The following RBFOX1 variants were observed in gnomAD, a reference collection of about 807,000 sequenced individuals.
The protein encoded by RBFOX1 is RNA binding fox-1 homolog 1.
RBFOX1 carries 8 observed loss-of-function variants against 57.7 expected under a neutral mutation model. That is an observed-to-expected ratio of 0.14 (90% CI 0.08 to 0.25). RBFOX1 has a LOEUF of 0.25. Among genes scored for constraint, RBFOX1 ranks in the 10% least tolerant of loss-of-function variants. RBFOX1 has a pLI of 1.00. For synonymous variants in RBFOX1, 326 were observed against 222.4 expected (o/e 1.47, Z -4.15); for missense variants, 611 against 548.5 (o/e 1.11, Z -1.14).
chr16:7,436,951 C>T (rs182524131), intron 4 of RBFOX1, among the ~76,000 whole-genome samples: 8 of 152,054 alleles, frequency 5.3e-5, no homozygotes, highest in Non-Finnish European at 8.8e-5. Context: ...CATGGTGATA[C>T]GCGCCTGTAA....
intron 3 of RBFOX1, among the ~76,000 whole-genome samples, chr16:5,693,644 C>T (rs183943600): frequency 1.3e-5 from 2 of 152,144 alleles, no homozygotes; most frequent in Non-Finnish European, 2.9e-5. Flanking sequence ...GTGAAAGACG[C>T]AGCGAGAATC....
At chr16:6,680,472 C>T (rs184431275) in intron 3 of RBFOX1, among the ~76,000 whole-genome samples, 1 of 151,958 alleles carries the variant, frequency 6.6e-6, no homozygotes, top group Non-Finnish European at 1.5e-5. Context: ...ACCATGTTAG[C>T]CACGATGGTC....
intron 13 of RBFOX1, among the ~76,000 whole-genome samples, chr16:7,673,920 C>T (rs541619939): frequency 6.6e-6 from 1 of 152,140 alleles, no homozygotes; most frequent in Non-Finnish European, 1.5e-5. Context: ...TGAACATGGT[C>T]TGGTGACAGC....
chr16:6,196,538 G>A (rs1176877500), intron 1 of RBFOX1, among the ~76,000 whole-genome samples: 1 of 152,078 alleles, frequency 6.6e-6, no homozygotes, highest in Non-Finnish European at 1.5e-5. Flanking sequence ...TGGATGCGTG[G>A]CTGCGACTTA....
chr16:5,406,713 C>T (rs2066877826), intron 1 of RBFOX1, among the ~76,000 whole-genome samples: 1 of 152,012 alleles, frequency 6.6e-6, no homozygotes, highest in East Asian at 1.9e-4. Flanking sequence ...CTAATATATC[C>T]AGCAAATATT....
At position 5,679,882 on chromosome 16, in the gene RBFOX1, G is replaced by A. The variant is rs77192034; in HGVS notation, c.318+80921G>A. On this transcript the variant is annotated intron_variant, in intron 3 of 19. Transcript: ENST00000641259. The stretch of plus-strand genomic sequence containing the variant: ...TATATTAAAGTACAGTTCATAGTGA[G>A]CAAAATGTTTAGTCTGGTGCCTAGT... Among the ~76,000 whole-genome samples, 295 of 152,246 alleles carry A rather than the reference G, an allele frequency of 1.9e-3. 4 individuals are homozygous for A. The East Asian group carries it at 0.048, about 25-fold the overall frequency.
At chr16:5,984,143 C>T (rs1361224479) in intron 4 of RBFOX1, among the ~76,000 whole-genome samples, 8 of 24,364 alleles carry the variant, frequency 3.3e-4, no homozygotes, top group Middle Eastern at 0.017. Flanking sequence ...CTCCTCCTCT[C>T]CTTCCCCTCC....
intron 2 of RBFOX1, among the ~76,000 whole-genome samples, chr16:5,495,555 A>G (rs1466107745): frequency 6.6e-6 from 1 of 152,228 alleles, no homozygotes; most frequent in Non-Finnish European, 1.5e-5. Flanking sequence ...AACTGTCACA[A>G]TAGCTGCATA....
At chr16:7,313,309 G>A (rs957136489) in intron 4 of RBFOX1, among the ~76,000 whole-genome samples, 4 of 152,146 alleles carry the variant, frequency 2.6e-5, no homozygotes, top group Non-Finnish European at 1.5e-5. Context: ...TTTGCAATGA[G>A]CAGTTAACAC....
chr16:5,733,585 GA>G (rs929654095), intron 3 of RBFOX1, among the ~76,000 whole-genome samples: 13 of 152,152 alleles, frequency 8.5e-5, no homozygotes, highest in African/African-American at 3.1e-4. Context: ...AAGTGATCAT[GA>G]AGTCAGCATG....
At chr16:5,989,577 C>T (rs1002059824) in intron 4 of RBFOX1, among the ~76,000 whole-genome samples, 2 of 151,986 alleles carry the variant, frequency 1.3e-5, no homozygotes, top group Non-Finnish European at 2.9e-5. Flanking sequence ...GCTCGCCGAC[C>T]TAGAATGGGT....
intron 4 of RBFOX1, among the ~76,000 whole-genome samples, chr16:7,339,843 T>C (rs1488228398): frequency 6.6e-6 from 1 of 152,232 alleles, no homozygotes; most frequent in East Asian, 1.9e-4. Flanking sequence ...TCAGGCACTA[T>C]TGAATTCAGG....
intron 1 of RBFOX1, among the ~76,000 whole-genome samples, chr16:6,063,613 C>T (rs539735292): frequency 3.3e-5 from 5 of 152,152 alleles, no homozygotes; most frequent in South Asian, 2.1e-4. Context: ...GCTCTCAAGA[C>T]GATCGTTTAC....
chr16:5,711,114 A>G (rs2051472192), intron 3 of RBFOX1, among the ~76,000 whole-genome samples: 2 of 152,234 alleles, frequency 1.3e-5, no homozygotes, highest in Non-Finnish European at 2.9e-5. Flanking sequence ...ATAATTGCAG[A>G]CAAGAGAGAT....
intron 3 of RBFOX1, among the ~76,000 whole-genome samples, chr16:6,831,028 C>T (rs957800419): frequency 6.6e-6 from 1 of 152,124 alleles, no homozygotes; most frequent in Non-Finnish European, 1.5e-5. Context: ...AAGCCTTTTC[C>T]CAATTGATCT....
chr16:7,278,272 C>G (rs1251921969), intron 4 of RBFOX1, among the ~76,000 whole-genome samples: 4 of 152,140 alleles, frequency 2.6e-5, no homozygotes, highest in African/African-American at 7.2e-5. Flanking sequence ...TGCAAGTATA[C>G]CAGCTAATTA....
At chr16:7,334,545 G>C (rs536518844) in intron 4 of RBFOX1, among the ~76,000 whole-genome samples, 1 of 152,244 alleles carries the variant, frequency 6.6e-6, no homozygotes, top group African/African-American at 2.4e-5. Flanking sequence ...TGCTGAAATT[G>C]CTTTTGAAAG....
chr16:7,607,384 T>A, intron 10 of RBFOX1, 46 bp downstream of exon 10: 1 of 1,547,568 alleles, frequency 6.5e-7, no homozygotes, highest in Non-Finnish European at 8.9e-7. Context: ...CTTTTCTAAA[T>A]GTGCTTTGCC....
At chr16:6,953,870 G>A (rs900126057) in intron 3 of RBFOX1, among the ~76,000 whole-genome samples, 2 of 152,082 alleles carry the variant, frequency 1.3e-5, no homozygotes, top group Non-Finnish European at 2.9e-5. Context: ...GCCCATTGGC[G>A]GCCAAAGCCA....
Sources: gnomAD v4.1 joint callset for allele counts (sites outside exome capture counted in the v4.1 genomes callset) on GRCh38, gnomAD v4.1.1 for gene constraint, MANE v1.5 for transcripts, NCBI Gene and HGNC (gene_info 2026-07-23, HGNC 2026-07-21) for gene names.